Variants in MAGI1 observed in about 807,000 individuals in gnomAD.
MAGI1 encodes membrane-associated guanylate kinase, WW and PDZ domain-containing protein 1.
In MAGI1, 58 loss-of-function variants were observed where a neutral mutation model predicts 139.9. That is an observed-to-expected ratio of 0.41 (90% CI 0.34 to 0.52). The LOEUF is 0.52. Ranked by LOEUF, MAGI1 falls within the 20% of genes least tolerant of loss-of-function variation. The pLI, the probability that MAGI1 is intolerant of heterozygous loss-of-function variation, is 0.12. For synonymous variants in MAGI1, 812 were observed against 737.9 expected, an observed-to-expected ratio of 1.10 and a Z score of -1.63; for missense variants, 1,874 against 1,901.6, an observed-to-expected ratio of 0.99 and a Z score of 0.27.
intron 1 of MAGI1, among the ~76,000 whole-genome samples, chr3:65,926,345 C>CTCTT (rs1236541245): frequency 6.7e-6 from 1 of 149,978 alleles, no homozygotes; most frequent in Non-Finnish European, 1.5e-5. Context: ...CTCTCTCTCT[C>CTCTT]TCTCTCTCTC....
At chr3:65,468,430 C>T (rs963626625) in intron 5 of MAGI1, among the ~76,000 whole-genome samples, 6 of 121,594 alleles carry the variant, frequency 4.9e-5, no homozygotes, top group Non-Finnish European at 4.7e-5. Flanking sequence ...CCAAGCTGTG[C>T]AGTGGTGCAA....
chr3:65,816,510 T>G (rs1324151695), intron 1 of MAGI1, among the ~76,000 whole-genome samples: 2 of 152,144 alleles, frequency 1.3e-5, no homozygotes, highest in African/African-American at 4.8e-5. Flanking sequence ...ATGTGTCAAC[T>G]GAGATGTTGA....
rs1409222616 is a variant in MAGI1 at position 65,361,195 on chromosome 3, C to A, written c.3634+4G>T. The A allele has an allele frequency of 6.2e-7, 1 of 1,614,072 alleles. No individual in the cohort carries two copies. Among genetic ancestry groups the A allele is most frequent in the South Asian group, 1.1e-5 (1 of 91,074 alleles). On this transcript the variant is annotated splice_donor_region_variant and intron_variant, in intron 22 of 22. Transcript: ENST00000402939. Reference sequence around the variant, plus strand: ...GGAAGGAATGTTTTCATAGTTTGACCCACCATATTCTGGTACTGAGCCGTC... The same window carrying A: ...GGAAGGAATGTTTTCATAGTTTGACACACCATATTCTGGTACTGAGCCGTC...
At chr3:65,721,283 C>T (rs2032987886) in intron 1 of MAGI1, among the ~76,000 whole-genome samples, 1 of 152,212 alleles carries the variant, frequency 6.6e-6, no homozygotes, top group African/African-American at 2.4e-5. Flanking sequence ...CCCCACACTC[C>T]ACTAGGCCCG....
At chr3:65,624,669 G>A (rs2083870854) in intron 1 of MAGI1, among the ~76,000 whole-genome samples, 4 of 152,150 alleles carry the variant, frequency 2.6e-5, no homozygotes, top group African/African-American at 4.8e-5. Context: ...GGGCATAAGG[G>A]AATAAAATCT....
At chr3:65,694,168 T>C (rs564248307) in intron 1 of MAGI1, among the ~76,000 whole-genome samples, 1 of 152,164 alleles carries the variant, frequency 6.6e-6, no homozygotes, top group Non-Finnish European at 1.5e-5. Context: ...ACAAGAGGCA[T>C]TGAGAATCAG....
chr3:65,530,723 ACACACG>A (rs2078636454), intron 2 of MAGI1, among the ~76,000 whole-genome samples: 1 of 131,660 alleles, frequency 7.6e-6, no homozygotes, highest in Non-Finnish European at 1.6e-5. Flanking sequence ...GTATATATAT[ACACACG>A]TATATATATA....
At chr3:65,377,091 T>C (rs74992852) in intron 17 of MAGI1, among the ~76,000 whole-genome samples, 6,557 of 152,286 alleles carry the variant, frequency 0.043, 200 homozygotes, top group Non-Finnish European at 0.058. Flanking sequence ...ATGAGGGACA[T>C]TACAACTAAC....
chr3:65,699,799 A>G (rs1172147515), intron 1 of MAGI1, among the ~76,000 whole-genome samples: 5 of 150,688 alleles, frequency 3.3e-5, no homozygotes, highest in Non-Finnish European at 4.4e-5. Context: ...AGTGGGTGCA[A>G]CACACCAGCA....
chr3:65,552,259 G>GT (rs2079871731), intron 2 of MAGI1, among the ~76,000 whole-genome samples: 1 of 147,940 alleles, frequency 6.8e-6, no homozygotes, highest in Non-Finnish European at 1.5e-5. Context: ...TGTGTATAGG[G>GT]GTGTGTGTGT....
At chr3:65,592,808 C>G (rs890917230) in intron 2 of MAGI1, among the ~76,000 whole-genome samples, 2 of 152,126 alleles carry the variant, frequency 1.3e-5, no homozygotes, top group African/African-American at 4.8e-5. Context: ...GTTTTGCCAA[C>G]CACAGTAACT....
At chr3:65,446,592 G>C (rs1290062717) in intron 7 of MAGI1, among the ~76,000 whole-genome samples, 1 of 152,232 alleles carries the variant, frequency 6.6e-6, no homozygotes. Flanking sequence ...GCAGACAGCA[G>C]AGTGATCTGT....
At chr3:65,484,639 C>T (rs1951511649) in intron 3 of MAGI1, among the ~76,000 whole-genome samples, 1 of 152,112 alleles carries the variant, frequency 6.6e-6, no homozygotes, top group Non-Finnish European at 1.5e-5. Context: ...TGATTGCCTT[C>T]ACCTTGTTCT....
At chr3:66,020,622 C>T (rs1385538175) in intron 1 of MAGI1, among the ~76,000 whole-genome samples, 1 of 152,160 alleles carries the variant, frequency 6.6e-6, no homozygotes, top group Non-Finnish European at 1.5e-5. Flanking sequence ...GAAGCTCCAT[C>T]CTTCTGAAAT....
At chr3:65,428,665 A>G (rs948436712) in intron 12 of MAGI1, among the ~76,000 whole-genome samples, 1 of 152,228 alleles carries the variant, frequency 6.6e-6, no homozygotes, top group Non-Finnish European at 1.5e-5. Flanking sequence ...AGCTGTCCAC[A>G]TGCACACATG....
intron 1 of MAGI1, among the ~76,000 whole-genome samples, chr3:65,647,499 A>C (rs1340144624): frequency 6.6e-6 from 1 of 152,164 alleles, no homozygotes; most frequent in Non-Finnish European, 1.5e-5. Context: ...ACAAACAAAC[A>C]AACAAAAAAC....
At chr3:65,871,769 C>T (rs562978985) in intron 1 of MAGI1, among the ~76,000 whole-genome samples, 2 of 152,338 alleles carry the variant, frequency 1.3e-5, no homozygotes, top group East Asian at 3.9e-4. Flanking sequence ...AACTCAAAAC[C>T]TTGCCCTTCA....
intron 2 of MAGI1, among the ~76,000 whole-genome samples, chr3:65,541,896 A>T (rs2079245359): frequency 6.6e-6 from 1 of 152,192 alleles, no homozygotes; most frequent in Non-Finnish European, 1.5e-5. Context: ...CTCCTATTCA[A>T]CATAGTGTTG....
intron 12 of MAGI1, among the ~76,000 whole-genome samples, chr3:65,409,210 G>A (rs1367727356): frequency 6.6e-6 from 1 of 152,194 alleles, no homozygotes; most frequent in Non-Finnish European, 1.5e-5. Context: ...CCCCTGCCCT[G>A]GAGGAGCTCA....
Sources: allele counts gnomAD v4.1 joint callset (sites outside exome capture counted in the v4.1 genomes callset), GRCh38; gene constraint gnomAD v4.1.1; transcripts MANE v1.5; gene names NCBI Gene and HGNC (gene_info 2026-07-23, HGNC 2026-07-21).